DEAF1: variants seen among roughly 807,000 people sequenced by gnomAD.
DEAF1 encodes deformed epidermal autoregulatory factor 1 homolog.
DEAF1 carries 53 observed loss-of-function variants against 58.9 expected under a neutral mutation model. That is an observed-to-expected ratio of 0.90 (90% CI 0.72 to 1.13). DEAF1 has a LOEUF of 1.13. Among genes scored for constraint, DEAF1 ranks in the 50% most tolerant of loss-of-function variants. The pLI, the probability that DEAF1 is intolerant of heterozygous loss-of-function variation, is 0.00. For missense variants in DEAF1, 685 were observed against 791.4 expected (o/e 0.87, Z 1.61); for synonymous variants, 385 against 340.4 (o/e 1.13, Z -1.44).
rs189740025 is a variant in DEAF1, at chr11:649,279, G to A, written c.1594-4625C>T. ...CACACACAACAACAACAACAAAAAC[G>A]GGCATGGTGGCGGGTGCCTGTAATC... On this transcript the variant is annotated intron_variant, in intron 11 of 11. Transcript: ENST00000382409. Among the ~76,000 whole-genome samples, 429 of 151,492 alleles carry A rather than the reference G, an allele frequency of 2.8e-3. 3 individuals are homozygous for A. Among genetic ancestry groups the A allele is most frequent in the African/African-American group, 9.9e-3 (407 of 41,290 alleles).
chr11:697,557 A>G (rs887162224), upstream of DEAF1: 3 of 152,204 alleles, frequency 2.0e-5, no homozygotes, highest in Non-Finnish European at 4.4e-5. Flanking sequence ...TTTTTCCCCC[A>G]AGCCCCATAA....
At chr11:695,526 C>T (rs1216252567), upstream of DEAF1, 4 of 1,065,542 alleles carry the variant, frequency 3.8e-6, no homozygotes, top group Non-Finnish European at 4.8e-6. Flanking sequence ...CTTAGTGCCG[C>T]GGGTTTCGCC....
At chr11:704,904 G>A in intron 1 of DEAF1, 2 of 355,320 alleles carry the variant, frequency 5.6e-6, no homozygotes, top group South Asian at 4.2e-5. Context: ...TCCAGGAAGG[G>A]TGAGGGCACG....
At position 695,142 on chromosome 11, in the gene DEAF1, C is replaced by G. The variant is rs1861065179; in HGVS notation, c.-95G>C. The stretch of plus-strand genomic sequence containing the variant: ...GCGGGGCCCGAAGAGGACGCCCGAG[C>G]TGGGCCGAGGCCGCCCGAAGCCGCC... On this transcript the variant is annotated 5_prime_UTR_variant, in exon 1 of 12. Coordinates refer to ENST00000382409, the MANE Select transcript of DEAF1 (RefSeq NM_021008.4). 2.5e-6 allele frequency: 3 copies of G among 1,204,666 alleles called. No individual in the cohort carries two copies. Among genetic ancestry groups the G allele is most frequent in the East Asian group, 7.3e-5 (2 of 27,362 alleles). The allele number at this position is 1,204,666 out of a possible 1,614,324, so 74.6% of individuals were successfully genotyped here.
At chr11:678,655 G>T in intron 9 of DEAF1, 39 bp downstream of exon 9, 2 of 1,613,196 alleles carry the variant, frequency 1.2e-6, no homozygotes, top group South Asian at 2.2e-5. Flanking sequence ...CAATTCTGAG[G>T]ACAATAACCT....
chr11:669,623 C>T (rs1198772773), intron 10 of DEAF1, among the ~76,000 whole-genome samples: 12 of 146,708 alleles, frequency 8.2e-5, no homozygotes, highest in African/African-American at 2.3e-4. Flanking sequence ...GCAACAAGAG[C>T]GAAACTTGTC....
At position 684,885 on chromosome 11, in the gene DEAF1, G is replaced by T. The variant is rs370799615; in HGVS notation, c.870+13C>A. 3.9e-6 allele frequency: 6 copies of T among 1,551,044 alleles called. No homozygotes were observed. In the African/African-American group the frequency reaches 8.2e-5, roughly 21 times the overall value. On this transcript the variant is annotated intron_variant, in intron 6 of 11. Coordinates refer to ENST00000382409, the MANE Select transcript of DEAF1 (RefSeq NM_021008.4). ...CACCAAGTCATCCTGTTCCAGACACGCTGGCCACTTACTAAGGTCATGTCG... is the reference window on the plus strand; with the variant it reads ...CACCAAGTCATCCTGTTCCAGACACTCTGGCCACTTACTAAGGTCATGTCG...
intron 10 of DEAF1, among the ~76,000 whole-genome samples, chr11:660,635 C>T (rs550021951): frequency 4.6e-5 from 7 of 152,366 alleles, no homozygotes; most frequent in African/African-American, 1.7e-4. Context: ...CCAAAGACGC[C>T]AGCAACCCTC....
intron 6 of DEAF1, among the ~76,000 whole-genome samples, chr11:683,603 T>G (rs756794050): frequency 1.3e-5 from 2 of 152,242 alleles, no homozygotes; most frequent in Non-Finnish European, 2.9e-5. Context: ...GTTTTGGCTT[T>G]TTTATTTCCT....
rs1474068850 is a variant in DEAF1 at position 644,759 on chromosome 11, C to G, written c.1594-105G>C. 1 of 882,202 alleles carries G rather than the reference C, an allele frequency of 1.1e-6. No individual in the cohort carries two copies. The highest frequency in any genetic ancestry group is 1.8e-6 in the Non-Finnish European group (1 of 550,230). The allele number at this position is 882,202 out of a possible 1,614,324, so 54.6% of individuals were successfully genotyped here. ...GAGGGTGCAGCCCTCTGTAACCTCA[C>G]CTGGAGGTGCTGAGAATGCCCTCCC... On this transcript the variant is annotated intron_variant, in intron 11 of 11. Coordinates refer to ENST00000382409, the MANE Select transcript of DEAF1 (RefSeq NM_021008.4). The surrounding 1 kb of genome is among the most constrained non-coding windows in gnomAD (Gnocchi z 4.3).
chr11:678,852 C>T (rs563446505), intron 8 of DEAF1, 30 bp from the exon 9 acceptor site: 13 of 1,612,290 alleles, frequency 8.1e-6, no homozygotes, highest in East Asian at 6.7e-5. Flanking sequence ...CAGGGAGGCT[C>T]GGGATGGTTG....
chr11:702,926 C>CA (rs755810891), intron 1 of DEAF1: 6 of 1,596,048 alleles, frequency 3.8e-6, no homozygotes, highest in South Asian at 2.2e-5. Flanking sequence ...CCTTCCCTCC[C>CA]CTTTGCTCTG....
chr11:669,879 G>A (rs909102808), intron 10 of DEAF1, among the ~76,000 whole-genome samples: 6 of 145,558 alleles, frequency 4.1e-5, no homozygotes, highest in African/African-American at 1.0e-4. Context: ...ACAGTGAGCC[G>A]AGATTGCATC....
In DEAF1 at chr11:644,394, T is replaced by G; in HGVS notation, c.*156A>C. On this transcript the variant is annotated 3_prime_UTR_variant, in exon 12 of 12. Transcript: ENST00000382409. This position sits in a 1 kb window ranked among gnomAD's most constrained non-coding sequence, Gnocchi z 4.3. ...GGGAGTGCGCTTCCCAGGGCACCAT[T>G]CGCTTAAAGTGTGTTAATGACTTGT... 1 of 685,370 alleles carries G rather than the reference T, an allele frequency of 1.5e-6. No individual in the cohort carries two copies. Among genetic ancestry groups the G allele is most frequent in the Non-Finnish European group, 2.6e-6 (1 of 380,982 alleles). 42.5% of individuals were successfully genotyped at this position (685,370 alleles called of 1,614,324 possible). A position where few individuals can be genotyped will look rare whatever the true frequency, so the allele number is the denominator to read the frequency against.
chr11:692,983 C>T lies in DEAF1; in HGVS notation c.290-1385G>A, dbSNP rs537261366. ...GCGCGCGGCCACAGTGAGTGCTCAA[C>T]GCCAGGCCCATGGCAGCCCTGGGAG... is the stretch of plus-strand genomic sequence containing the variant. On this transcript the variant is annotated intron_variant, in intron 1 of 11. Coordinates refer to ENST00000382409, the MANE Select transcript of DEAF1 (RefSeq NM_021008.4). 1.2e-4 allele frequency among the ~76,000 whole-genome samples: 19 copies of T among 152,346 alleles called. No individual in the cohort carries two copies. The South Asian group carries it at 3.7e-3, about 30-fold the overall frequency.
rs926854204 is a variant in DEAF1 at position 673,296 on chromosome 11, G to A, written c.1503+1240C>T. Among the ~76,000 whole-genome samples, 10 of 152,192 alleles carry A rather than the reference G, an allele frequency of 6.6e-5. 1 individual carries two copies. The highest frequency in any genetic ancestry group is 7.4e-5 in the Non-Finnish European group (5 of 68,026). On this transcript the variant is annotated intron_variant, in intron 10 of 11. Coordinates refer to ENST00000382409, the MANE Select transcript of DEAF1 (RefSeq NM_021008.4). ...AATCCCAGTACTTTAAGAGGCTGAGGCGGGTGGATCACCTGAGCTCAGGAG... is the reference window on the plus strand; with the variant it reads ...AATCCCAGTACTTTAAGAGGCTGAGACGGGTGGATCACCTGAGCTCAGGAG...
chr11:652,193 C>G (rs184962332), intron 11 of DEAF1, among the ~76,000 whole-genome samples: 1 of 152,310 alleles, frequency 6.6e-6, no homozygotes, highest in East Asian at 1.9e-4. Context: ...TATAAAGGTA[C>G]ATTTAAGAAA....
In DEAF1 at chr11:664,398, C is replaced by G. The variant is rs140994710; in HGVS notation, c.1503+10138G>C. ...AGAAACGGTATCACATTCGGAGCCT[C>G]TAAGTCCTGACTCCAGCTATTCACA... On this transcript the variant is annotated intron_variant, in intron 10 of 11. Transcript: ENST00000382409. Among the ~76,000 whole-genome samples, 1,306 of 152,214 alleles carry G rather than the reference C, an allele frequency of 8.6e-3. 7 individuals carry two copies. The highest frequency in any genetic ancestry group is 0.013 in the Non-Finnish European group (902 of 68,000).
At chr11:674,495 A>T in intron 10 of DEAF1, 41 bp downstream of exon 10, 1 of 1,613,050 alleles carries the variant, frequency 6.2e-7, no homozygotes, top group Non-Finnish European at 8.5e-7. Context: ...GCCTGGGGTT[A>T]CTCGGCACAG....
Sources: gnomAD v4.1 joint callset for allele counts (sites outside exome capture counted in the v4.1 genomes callset) on GRCh38, gnomAD v4.1.1 for gene constraint, Gnocchi (gnomAD v3.1) non-coding constraint, MANE v1.5 for transcripts, NCBI Gene and HGNC (gene_info 2026-07-23, HGNC 2026-07-21) for gene names.